The following ABCC1 variants were observed in gnomAD, a reference collection of about 807,000 sequenced individuals.
ABCC1 encodes multidrug resistance-associated protein 1.
In ABCC1, 83 loss-of-function variants were observed where a neutral mutation model predicts 172.9. The observed-to-expected ratio is 0.48, with a 90% CI of 0.40 to 0.58. The LOEUF is 0.58. Ranked by LOEUF, ABCC1 falls within the 20% of genes least tolerant of loss-of-function variation. The pLI is 0.00. For missense variants in ABCC1, 1,817 were observed against 2,002.7 expected (o/e 0.91, Z 1.77); for synonymous variants, 937 against 825.2 (o/e 1.14, Z -2.32).
At chr16:16,015,180 A>G (rs2047950265) in intron 4 of ABCC1, among the ~76,000 whole-genome samples, 1 of 140,428 alleles carries the variant, frequency 7.1e-6, no homozygotes, top group Non-Finnish European at 1.5e-5. Context: ...TCGCTCTGTC[A>G]CCAGGCTGGA....
At chr16:16,031,764 T>C (rs1242786061) in intron 5 of ABCC1, among the ~76,000 whole-genome samples, 2 of 152,194 alleles carry the variant, frequency 1.3e-5, no homozygotes, top group East Asian at 3.9e-4. Context: ...GTACACCAGA[T>C]CAGCCCCCAT....
chr16:16,097,099 T>TTTTG (rs1380826124), intron 19 of ABCC1, among the ~76,000 whole-genome samples: 1 of 151,768 alleles, frequency 6.6e-6, no homozygotes, highest in African/African-American at 2.4e-5. Context: ...GATCTGAGGG[T>TTTTG]TTTGTTTGTT....
chr16:16,028,683 C>G lies in ABCC1; in HGVS notation c.616-4426C>G, dbSNP rs575252996. Reference sequence around the variant, plus strand: ...CTCCACGCCTTAGGTTGGAGAAATTCCGCTTTACGACACAGTCCCATGGGC... The same window carrying G: ...CTCCACGCCTTAGGTTGGAGAAATTGCGCTTTACGACACAGTCCCATGGGC... On this transcript the variant is annotated intron_variant, in intron 5 of 30. Transcript: ENST00000399410. 5.3e-5 allele frequency among the ~76,000 whole-genome samples: 8 copies of G among 152,306 alleles called. No individual in the cohort carries two copies. In the South Asian group the frequency reaches 1.2e-3, roughly 24 times the overall value.
intron 11 of ABCC1, among the ~76,000 whole-genome samples, chr16:16,053,927 T>C (rs1188856710): frequency 6.6e-6 from 1 of 151,248 alleles, no homozygotes; most frequent in Non-Finnish European, 1.5e-5. Context: ...CGTATGTATA[T>C]ACAGACCTGA....
Position 16,052,771 on chromosome 16 carries a change from G to A in ABCC1, c.1428G>A (p.Met476Ile), listed in dbSNP as rs914114833. 2.5e-5 allele frequency: 40 copies of A among 1,614,130 alleles called. No homozygotes were observed. The highest frequency in any genetic ancestry group is 3.2e-5 in the Non-Finnish European group (38 of 1,180,020). The change falls in exon 11 of 31, where the codon ATG becomes ATA. Residue 476 changes from methionine to isoleucine, a missense_variant. Around this residue, in one of 3 missense-constraint regions of ABCC1, gnomAD observed 1,412 missense variants for 1,600.3 expected, o/e 0.88. Coordinates refer to ENST00000399410, the MANE Select transcript of ABCC1 (RefSeq NM_004996.4). ...VLAGVAVMVL[M>I]VPVNAVMAMK... The stretch of plus-strand genomic sequence containing the variant: ...CTGGAGTGGCGGTGATGGTCCTCAT[G>A]GTGCCCGTCAATGCTGTGATGGCGA...
intron 6 of ABCC1, 53 bp downstream of exon 6, chr16:16,033,223 A>G (rs1597146126): frequency 9.1e-6 from 14 of 1,530,320 alleles, no homozygotes; most frequent in Admixed American, 1.7e-5. Flanking sequence ...GAATGAATGA[A>G]TGAATGAACG....
chr16:16,134,421 T>C lies in ABCC1; in HGVS notation c.4038T>C (p.Ser1346=). 6.2e-7 allele frequency: 1 copy of C among 1,614,148 alleles called. No homozygotes were observed. The highest frequency in any genetic ancestry group is 2.2e-5 in the East Asian group (1 of 44,860). The change falls in exon 28 of 31, where the codon TCT becomes TCC. Residue 1346 remains serine (S), a synonymous_variant. Transcript: ENST00000399410. Reference sequence around the variant, plus strand: ...TGGGCTTATTTCGGATCAACGAGTCTGCCGAAGGAGAGATCATCATCGATG... The same window carrying C: ...TGGGCTTATTTCGGATCAACGAGTCCGCCGAAGGAGAGATCATCATCGATG... The part of the protein sequence containing the change: ...LTLGLFRINE[S]AEGEIIIDGI...
chr16:16,065,276 T>G (rs2050068845), intron 12 of ABCC1, among the ~76,000 whole-genome samples: 1 of 152,158 alleles, frequency 6.6e-6, no homozygotes, highest in African/African-American at 2.4e-5. Flanking sequence ...AAATTACTTG[T>G]TTAGAGATGG....
In ABCC1 at chr16:16,141,801, G is replaced by A. The variant is rs1351070270; in HGVS notation, c.*520G>A. 6.4e-6 allele frequency: 1 copy of A among 155,642 alleles called. No homozygotes were observed. The highest frequency in any genetic ancestry group is 1.4e-5 in the Non-Finnish European group (1 of 70,476). 9.6% of individuals were successfully genotyped at this position (155,642 alleles called of 1,614,324 possible). On this transcript the variant is annotated 3_prime_UTR_variant, in exon 31 of 31. Coordinates refer to ENST00000399410, the MANE Select transcript of ABCC1 (RefSeq NM_004996.4). Reference sequence around the variant, plus strand: ...GGGGCTGCAGTTTTGTGGTTGAGGGGCCTGGAGAAAATCATTTTCTCCCCT... The same window carrying A: ...GGGGCTGCAGTTTTGTGGTTGAGGGACCTGGAGAAAATCATTTTCTCCCCT...
intron 5 of ABCC1, among the ~76,000 whole-genome samples, chr16:16,029,077 C>A (rs1016717192): frequency 6.6e-6 from 1 of 152,198 alleles, no homozygotes; most frequent in Non-Finnish European, 1.5e-5. Context: ...CTGGGAACTT[C>A]ATCACCCCTC....
intron 10 of ABCC1, among the ~76,000 whole-genome samples, chr16:16,049,835 C>T (rs189536385): frequency 2.0e-5 from 3 of 152,018 alleles, no homozygotes; most frequent in African/African-American, 4.8e-5. Context: ...AGGCTTACAC[C>T]ACCACGCCCA....
intron 8 of ABCC1, 91 bp from the exon 9 acceptor site, chr16:16,045,745 C>T (rs907015235): frequency 3.1e-6 from 4 of 1,277,268 alleles, no homozygotes; most frequent in Non-Finnish European, 4.4e-6. Context: ...TCATCTGGCT[C>T]AGGAGAAAGT....
intron 19 of ABCC1, among the ~76,000 whole-genome samples, chr16:16,094,944 A>T (rs1485029778): frequency 2.0e-5 from 3 of 150,660 alleles, no homozygotes; most frequent in Admixed American, 1.3e-4. Context: ...CAGCCTCTCG[A>T]GTAGCTGGAG....
intron 1 of ABCC1, among the ~76,000 whole-genome samples, chr16:15,986,172 T>A (rs1158866003): frequency 6.6e-6 from 1 of 150,558 alleles, no homozygotes; most frequent in African/African-American, 2.4e-5. Flanking sequence ...TGACCCCGGG[T>A]GATCTACCTG....
intron 16 of ABCC1, 31 bp downstream of exon 16, chr16:16,079,509 G>A: frequency 6.3e-7 from 1 of 1,592,886 alleles, no homozygotes; most frequent in Non-Finnish European, 8.6e-7. Context: ...GAGGGGCAGT[G>A]GGGAAGCTGG....
At chr16:16,077,838 C>T (rs755216297) in intron 15 of ABCC1, among the ~76,000 whole-genome samples, 19 of 152,020 alleles carry the variant, frequency 1.2e-4, no homozygotes, top group Non-Finnish European at 2.4e-4. Flanking sequence ...GCTTGGCCAA[C>T]ATGGTGAAAC....
At chr16:15,975,529 T>G (rs1440462612) in intron 1 of ABCC1, among the ~76,000 whole-genome samples, 1 of 148,636 alleles carries the variant, frequency 6.7e-6, no homozygotes, top group African/African-American at 2.5e-5. Context: ...CTTTTATTTA[T>G]GTTTTGTGGT....
At chr16:16,000,183 G>A (rs2047250585) in intron 1 of ABCC1, among the ~76,000 whole-genome samples, 1 of 151,650 alleles carries the variant, frequency 6.6e-6, no homozygotes. Context: ...TTCTCACTCT[G>A]TTGCCCAGGT....
rs199742367 is a variant in ABCC1 at position 16,044,520 on chromosome 16, A to C, written c.880A>C (p.Asn294His). The C allele has an allele frequency of 1.8e-4, 298 of 1,614,148 alleles. No individual in the cohort carries two copies. Among genetic ancestry groups the C allele is most frequent in the Non-Finnish European group, 2.4e-4 (280 of 1,180,012 alleles). The change falls in exon 8 of 31, where the codon AAT becomes CAT. Residue 294 changes from asparagine to histidine, a missense_variant. Asn to His is a moderately conservative substitution (Grantham distance 68, BLOSUM62 1). This residue lies in a region of ABCC1 where 398 missense variants were observed against 384.2 expected (regional missense o/e 1.04). Coordinates refer to ENST00000399410, the MANE Select transcript of ABCC1 (RefSeq NM_004996.4). Reference sequence around the variant, plus strand: ...GAAAGAGAGTTCCAAGGTGGATGCGAATGAGGAGGTGGAGGCTTTGATCGT... The same window carrying C: ...GAAAGAGAGTTCCAAGGTGGATGCGCATGAGGAGGTGGAGGCTTTGATCGT... Reference protein sequence around the residue: ...QPKESSKVDANEEVEALIVKS... With the variant: ...QPKESSKVDAHEEVEALIVKS...
Sources: allele counts gnomAD v4.1 joint callset (sites outside exome capture counted in the v4.1 genomes callset), GRCh38; gene constraint gnomAD v4.1.1; regional missense constraint gnomAD v4.1.1; transcripts MANE v1.5; gene names NCBI Gene and HGNC (gene_info 2026-07-23, HGNC 2026-07-21).